SGSH: variants seen among roughly 807,000 people sequenced by gnomAD.
SGSH encodes N-sulfoglucosamine sulfohydrolase, also known as heparan sulfate sulfatase.
Under a neutral mutation model 51.0 loss-of-function variants are expected in SGSH, and 48 were observed. That is an observed-to-expected ratio of 0.94 (90% confidence interval 0.75 to 1.20). The LOEUF (loss-of-function observed/expected upper bound fraction) is 1.20, where lower values mean the gene tolerates loss of function less well. Among genes scored for constraint, SGSH ranks in the 50% most tolerant of loss-of-function variants. The probability of loss-of-function intolerance (pLI) is 0.00; values close to 1 mark genes in which losing one functional copy is unlikely to be tolerated. For missense variants in SGSH, 662 were observed against 717.8 expected (o/e 0.92, Z 0.89); for synonymous variants, 321 against 313.4 (o/e 1.02, Z -0.26).
chr17:80,220,081 A>G, intron 1 of SGSH, 145 bp downstream of exon 1: 1 of 584,888 alleles, frequency 1.7e-6, no homozygotes, highest in Non-Finnish European at 2.9e-6. Flanking sequence ...GGGGCGGCAC[A>G]GAGAGGAGGA....
At chr17:80,201,603 T>C in the SGSH span, 3 of 816,514 alleles carry the variant, frequency 3.7e-6, no homozygotes, top group Non-Finnish European at 6.2e-6. This position sits in a 1 kb window ranked among gnomAD's most constrained non-coding sequence, Gnocchi z 5.0. Flanking sequence ...GTGTGTGGCT[T>C]TGTTTTGACC....
At chr17:80,216,516 C>A (rs1466917727) in intron 2 of SGSH, among the ~76,000 whole-genome samples, 6 of 152,176 alleles carry the variant, frequency 3.9e-5, no homozygotes, top group Non-Finnish European at 7.4e-5. Context: ...ACTGTGAATG[C>A]ACTTAATGCC....
intron 2 of SGSH, among the ~76,000 whole-genome samples, chr17:80,216,189 C>T (rs189437256): frequency 3.9e-5 from 6 of 152,050 alleles, no homozygotes; most frequent in Non-Finnish European, 5.9e-5. Flanking sequence ...ATTAGACAGG[C>T]GTGGTGGCGC....
Position 80,212,354 on chromosome 17 carries a change from TGCTGCATCCGGCC to T in SGSH, c.746-93_746-81del. 12 of 1,255,676 alleles carry T rather than the reference TGCTGCATCCGGCC, an allele frequency of 9.6e-6. No individual in the cohort carries two copies. Among genetic ancestry groups the T allele is most frequent in the Non-Finnish European group, 1.4e-5 (12 of 879,944 alleles). 77.8% of individuals were successfully genotyped at this position (1,255,676 alleles called of 1,614,324 possible). A position where few individuals can be genotyped will look rare whatever the true frequency, so the allele number is the denominator to read the frequency against. ...GGGTGGTGTGTGTAGACCCACCTGC[TGCTGCATCCGGCC>T]GCTGGGCTCCAGCGCTTTCCGGATT... On this transcript the variant is annotated intron_variant, in intron 6 of 7. Transcript: ENST00000326317. This position sits in a 1 kb window ranked among gnomAD's most constrained non-coding sequence, Gnocchi z 5.9.
intron 1 of SGSH, among the ~76,000 whole-genome samples, chr17:80,219,033 A>C (rs1409537660): frequency 6.6e-6 from 1 of 151,906 alleles, no homozygotes; most frequent in Non-Finnish European, 1.5e-5. Flanking sequence ...GGTGATGTGC[A>C]CTTGAGGTCC....
chr17:80,214,688 C>T lies in SGSH; in HGVS notation c.433G>A (p.Val145Ile), dbSNP rs771068876. The change falls in exon 4 of 8, where the codon GTC becomes ATC. Residue 145 changes from valine to isoleucine, a missense_variant. Val to Ile is a conservative substitution (Grantham distance 29). Transcript: ENST00000326317. ...GTGATGTTCCGCCCCACCTGGAGGA[C>T]GGAGCCATTCTCCTCCGTGTACGCA... Reference protein sequence around the residue: ...DFAYTEENGSVLQVGRNITRI... With the variant: ...DFAYTEENGSILQVGRNITRI... 5.0e-5 allele frequency: 81 copies of T among 1,613,116 alleles called. No individual in the cohort carries two copies. The highest frequency in any genetic ancestry group is 6.4e-5 in the Non-Finnish European group (75 of 1,179,854).
At chr17:80,211,697 C>T (rs2041672530) in intron 7 of SGSH, 1 of 360,526 alleles carries the variant, frequency 2.8e-6, no homozygotes, top group South Asian at 2.3e-5. Flanking sequence ...ACTTGTCAGA[C>T]ATGCAAATTC....
chr17:80,208,364 G>A (rs760323050), downstream of SGSH: 67 of 1,554,446 alleles, frequency 4.3e-5, no homozygotes, highest in Admixed American at 2.2e-4. Flanking sequence ...GCCCCTTCCC[G>A]GGACTGTGGG....
rs140513686 is a variant in SGSH at position 80,212,071 on chromosome 17, C to G, written c.949G>C (p.Asp317His). 1 of 1,612,988 alleles carries G rather than the reference C, an allele frequency of 6.2e-7. No individual in the cohort carries two copies. Residue 317 changes from aspartate to histidine, a missense_variant and splice_region_variant, in exon 7 of 8, where the codon GAC becomes CAC. Transcript: ENST00000326317. The surrounding 1 kb of genome is among the most constrained non-coding windows in gnomAD (Gnocchi z 5.9). ...QVSEAYVSLL[D>H]LTPTILDWFS... ...CTGACGGAGACAGACAAAGGCATAC[C>G]TAGGAGGCTCACGTAGGCCTCGCTG...
In SGSH at chr17:80,212,118, T is replaced by G. The variant is rs2041691435; in HGVS notation, c.902A>C (p.His301Pro). Residue 301 changes from histidine (H) to proline (P), a missense_variant, in exon 7 of 8, where the codon CAC becomes CCC. Coordinates refer to ENST00000326317, the MANE Select transcript of SGSH (RefSeq NM_000199.5). This position sits in a 1 kb window ranked among gnomAD's most constrained non-coding sequence, Gnocchi z 5.9. ...AEPLLVSSPE[H>P]PKRWGQVSEA... ...GCTGACTTGGCCCCAGCGTTTTGGG[T>G]GCTCCGGGGATGACACCAGTAAGGG... The G allele has an allele frequency of 1.9e-6, 3 of 1,613,410 alleles. No homozygotes were observed. Among genetic ancestry groups the G allele is most frequent in the Admixed American group, 1.7e-5 (1 of 59,988 alleles).
chr17:80,204,127 C>A, downstream of SGSH: 1 of 1,170,546 alleles, frequency 8.5e-7, no homozygotes, highest in Non-Finnish European at 1.2e-6. Flanking sequence ...GCCTCTGCAT[C>A]ACTCCCAGGT....
At position 80,209,290 on chromosome 17, in the gene SGSH, G is replaced by A; in HGVS notation, c.*1162C>T. 2.0e-6 allele frequency: 2 copies of A among 983,412 alleles called. No individual in the cohort carries two copies. The highest frequency in any genetic ancestry group is 2.4e-6 in the Non-Finnish European group (2 of 828,094). The allele number at this position is 983,412 out of a possible 1,614,324, so 60.9% of individuals were successfully genotyped here. Reference sequence around the variant, plus strand: ...ATCATCATAAATGAGTTCAGAAAAAGAACTTCTGTATATTTTACTAAAATA... The same window carrying A: ...ATCATCATAAATGAGTTCAGAAAAAAAACTTCTGTATATTTTACTAAAATA... On this transcript the variant is annotated 3_prime_UTR_variant, in exon 8 of 8. Transcript: ENST00000326317.
chr17:80,213,704 G>A lies in SGSH; in HGVS notation c.745+100C>T. 9.5e-7 allele frequency: 1 copy of A among 1,049,638 alleles called. No homozygotes were observed. The highest frequency in any genetic ancestry group is 1.4e-6 in the Non-Finnish European group (1 of 705,498). The allele number at this position is 1,049,638 out of a possible 1,614,324, so 65.0% of individuals were successfully genotyped here. A position where few individuals can be genotyped will look rare whatever the true frequency, so the allele number is the denominator to read the frequency against. On this transcript the variant is annotated intron_variant, in intron 6 of 7. Transcript: ENST00000326317. This position sits in a 1 kb window ranked among gnomAD's most constrained non-coding sequence, Gnocchi z 4.6. ...TGCAGCACAGGGCCTGCCACACTGG[G>A]ACCCTCACCCACATTATGCCGTGAC...
downstream of SGSH, chr17:80,203,936 G>C (rs1445463052): frequency 1.4e-6 from 2 of 1,455,596 alleles, no homozygotes; most frequent in South Asian, 1.2e-5. The surrounding 1 kb of genome is among the most constrained non-coding windows in gnomAD (Gnocchi z 4.6). Flanking sequence ...CTGGAAGAGG[G>C]GCTCGGTGCT....
At chr17:80,207,521 C>T (rs1166934608), downstream of SGSH, 1 of 159,738 alleles carries the variant, frequency 6.3e-6, no homozygotes, top group East Asian at 1.9e-4. Flanking sequence ...TGCACTCCAG[C>T]CTGGGTGACA....
At chr17:80,207,962 C>G (rs1447806640), downstream of SGSH, among the ~76,000 whole-genome samples, 1 of 152,172 alleles carries the variant, frequency 6.6e-6, no homozygotes, top group South Asian at 2.1e-4. Flanking sequence ...AGGCTGTGTT[C>G]TAGACAACCT....
downstream of SGSH, chr17:80,206,972 C>T (rs1045266295): frequency 6.8e-6 from 11 of 1,607,344 alleles, no homozygotes; most frequent in Middle Eastern, 1.7e-4. Context: ...CCACAAAGAA[C>T]ACCCATGCCC....
At position 80,210,295 on chromosome 17, in the gene SGSH, TG is replaced by T; in HGVS notation, c.*156del. ...CATGCTCTGGTCCCCCTCCAGGCAA[TG>T]GCAAGAGTGACCCCACAGGAAGGAA... is the stretch of plus-strand genomic sequence containing the variant. On this transcript the variant is annotated 3_prime_UTR_variant, in exon 8 of 8. Coordinates refer to ENST00000326317, the MANE Select transcript of SGSH (RefSeq NM_000199.5). 7.0e-7 allele frequency: 1 copy of T among 1,435,186 alleles called. No individual in the cohort carries two copies. Among genetic ancestry groups the T allele is most frequent in the Non-Finnish European group, 9.1e-7 (1 of 1,098,522 alleles). The allele number at this position is 1,435,186 out of a possible 1,614,324, so 88.9% of individuals were successfully genotyped here.
In SGSH at chr17:80,209,551, A is replaced by G; in HGVS notation, c.*901T>C. ...TCATCCAAGAATTAACCCAAGCCAG[A>G]GGACGGGCATCGCCACCCAGCAACG... is the stretch of plus-strand genomic sequence containing the variant. On this transcript the variant is annotated 3_prime_UTR_variant, in exon 8 of 8. Transcript: ENST00000326317. The G allele has an allele frequency of 1.0e-6, 1 of 985,272 alleles. No individual in the cohort carries two copies. The highest frequency in any genetic ancestry group is 1.2e-6 in the Non-Finnish European group (1 of 829,934). 61.0% of individuals were successfully genotyped at this position (985,272 alleles called of 1,614,324 possible).
Sources: allele counts gnomAD v4.1 joint callset (sites outside exome capture counted in the v4.1 genomes callset), GRCh38; gene constraint gnomAD v4.1.1; non-coding constraint Gnocchi (gnomAD v3.1); transcripts MANE v1.5; gene names NCBI Gene and HGNC (gene_info 2026-07-23, HGNC 2026-07-21).